Variants in LTBP1 observed in about 807,000 individuals in gnomAD.
The protein encoded by LTBP1 is latent-transforming growth factor beta-binding protein 1.
LTBP1 carries 129 observed loss-of-function variants against 207.6 expected under a neutral mutation model. The ratio of observed to expected loss-of-function variants is 0.62; its 90% CI spans 0.54 to 0.72. The LOEUF (loss-of-function observed/expected upper bound fraction) is 0.72. Among genes scored for constraint, LTBP1 ranks in the 30% least tolerant of loss-of-function variants. LTBP1 has a pLI of 0.00. For missense variants in LTBP1, 2,281 were observed against 2,217.2 expected (o/e 1.03, Z -0.58); for synonymous variants, 963 against 833.7 (o/e 1.16, Z -2.67).
rs142637929 is a variant in LTBP1, at chr2:33,146,622, C to T, written c.1201+11662C>T. 6.1e-4 allele frequency among the ~76,000 whole-genome samples: 93 copies of T among 152,294 alleles called. 1 individual carries two copies. In the East Asian group the frequency reaches 0.016, roughly 27 times the overall value. Reference sequence around the variant, plus strand: ...TTTCAAAGAAGAGGTTTAAGGAACTCACAGTTCCGCAAGCTGTACAGGAAG... The same window carrying T: ...TTTCAAAGAAGAGGTTTAAGGAACTTACAGTTCCGCAAGCTGTACAGGAAG... On this transcript the variant is annotated intron_variant, in intron 5 of 33. Transcript: ENST00000404816.
chr2:32,991,742 A>C (rs1684453365), intron 2 of LTBP1, among the ~76,000 whole-genome samples: 1 of 152,186 alleles, frequency 6.6e-6, no homozygotes, highest in Admixed American at 6.5e-5. Context: ...TCAGTCATCT[A>C]ATCTAGCTCC....
At chr2:33,353,807 G>A (rs2094815971) in intron 26 of LTBP1, among the ~76,000 whole-genome samples, 1 of 151,060 alleles carries the variant, frequency 6.6e-6, no homozygotes, top group Non-Finnish European at 1.5e-5. Flanking sequence ...AACTCAAATA[G>A]CATCCCTGTT....
At chr2:33,194,153 AT>A (rs1373004964) in intron 7 of LTBP1, among the ~76,000 whole-genome samples, 1 of 151,844 alleles carries the variant, frequency 6.6e-6, no homozygotes, top group Non-Finnish European at 1.5e-5. Context: ...CGCCCGGGTA[AT>A]TTTTGTATTT....
intron 5 of LTBP1, among the ~76,000 whole-genome samples, chr2:33,155,638 A>G (rs1277031404): frequency 1.3e-5 from 2 of 152,176 alleles, no homozygotes; most frequent in Admixed American, 6.5e-5. Context: ...TCTGGGGACA[A>G]AACCACCCCT....
Position 33,217,668 on chromosome 2 carries a change from C to T in LTBP1, c.1804+14C>T, listed in dbSNP as rs753900093. 1.3e-6 allele frequency: 2 copies of T among 1,579,286 alleles called. No homozygotes were observed. The highest frequency in any genetic ancestry group is 3.3e-5 in the Admixed American group (2 of 59,794). ...CCAAGAAACCATGTAAGTAATGTTT[C>T]CTCACTCCTTTGCAGGTTAATGTAG... On this transcript the variant is annotated intron_variant, in intron 8 of 33. Transcript: ENST00000404816.
At chr2:32,970,976 C>T (rs1037571388) in intron 2 of LTBP1, among the ~76,000 whole-genome samples, 6 of 149,544 alleles carry the variant, frequency 4.0e-5, no homozygotes, top group Non-Finnish European at 1.5e-5. Context: ...TCTTTTATCT[C>T]CCTGGTTAGC....
chr2:33,314,008 T>C (rs184166857), intron 23 of LTBP1, among the ~76,000 whole-genome samples: 14 of 152,320 alleles, frequency 9.2e-5, no homozygotes, highest in African/African-American at 1.2e-4. Context: ...CTTTTACTTA[T>C]AGTAAACAGT....
chr2:33,007,276 C>T (rs780935971), intron 2 of LTBP1, among the ~76,000 whole-genome samples: 12 of 152,194 alleles, frequency 7.9e-5, no homozygotes, highest in Non-Finnish European at 1.6e-4. Flanking sequence ...CCATCATGCC[C>T]GGCCTTGAAA....
intron 18 of LTBP1, among the ~76,000 whole-genome samples, chr2:33,279,450 T>C (rs2093512997): frequency 6.6e-6 from 1 of 152,120 alleles, no homozygotes; most frequent in African/African-American, 2.4e-5. Context: ...TACCATATGG[T>C]CATATCACCG....
chr2:33,072,773 A>G (rs939704822), intron 3 of LTBP1, among the ~76,000 whole-genome samples: 1 of 152,226 alleles, frequency 6.6e-6, no homozygotes, highest in Non-Finnish European at 1.5e-5. Context: ...GTACTCTCAG[A>G]AACATTGCTG....
At chr2:33,104,187 G>A (rs2079922746) in intron 3 of LTBP1, among the ~76,000 whole-genome samples, 1 of 152,172 alleles carries the variant, frequency 6.6e-6, no homozygotes, top group Non-Finnish European at 1.5e-5. Flanking sequence ...CACTAGGAAG[G>A]CAGCAGTGTA....
rs776131599 is a variant in LTBP1 at position 33,364,359 on chromosome 2, A to G, written c.4540+3A>G. 2.1e-5 allele frequency: 34 copies of G among 1,612,222 alleles called. No individual in the cohort carries two copies. Among genetic ancestry groups the G allele is most frequent in the Non-Finnish European group, 2.0e-5 (24 of 1,179,544 alleles). On this transcript the variant is annotated splice_donor_region_variant and intron_variant, in intron 30 of 33. Coordinates refer to ENST00000404816, the MANE Select transcript of LTBP1 (RefSeq NM_206943.4). ...TATACGACCGGCTGAGTCAAACGGTATGTTTCCAGGAGATGCAAACCTGTG... is the reference window on the plus strand; with the variant it reads ...TATACGACCGGCTGAGTCAAACGGTGTGTTTCCAGGAGATGCAAACCTGTG...
intron 31 of LTBP1, among the ~76,000 whole-genome samples, chr2:33,375,728 G>C (rs1479378842): frequency 4.9e-5 from 7 of 143,862 alleles, no homozygotes; most frequent in Non-Finnish European, 9.1e-5. Flanking sequence ...TTTTTTAGTA[G>C]AGACGGGGTT....
intron 24 of LTBP1, among the ~76,000 whole-genome samples, chr2:33,316,523 T>C (rs1028398214): frequency 9.2e-5 from 14 of 152,132 alleles, no homozygotes; most frequent in Non-Finnish European, 2.9e-5. Context: ...AGACAAAACA[T>C]GGATGCCAGA....
In LTBP1 at chr2:33,243,797, C is replaced by A; in HGVS notation, c.1999+13C>A. 1.2e-6 allele frequency: 2 copies of A among 1,613,512 alleles called. No homozygotes were observed. The highest frequency in any genetic ancestry group is 2.2e-5 in the South Asian group (2 of 90,934). On this transcript the variant is annotated intron_variant, in intron 10 of 33. Coordinates refer to ENST00000404816, the MANE Select transcript of LTBP1 (RefSeq NM_206943.4). ...TCAAGTTGTGTTCGTAAGTAATAAT[C>A]ACTTTTTATTCCTGTTTTGGATTAA...
chr2:32,999,881 G>T (rs1191141937), intron 2 of LTBP1, among the ~76,000 whole-genome samples: 1 of 133,848 alleles, frequency 7.5e-6, no homozygotes, highest in African/African-American at 2.6e-5. Context: ...AGAGATCGAG[G>T]GAGGCACAGA....
intron 2 of LTBP1, among the ~76,000 whole-genome samples, chr2:32,991,674 G>A (rs1244785149): frequency 6.6e-6 from 1 of 152,148 alleles, no homozygotes; most frequent in East Asian, 1.9e-4. Context: ...TCTTCAGTGG[G>A]CGTCCTCAAA....
intron 10 of LTBP1, among the ~76,000 whole-genome samples, chr2:33,248,811 T>TC (rs2092588951): frequency 6.6e-6 from 1 of 152,144 alleles, no homozygotes; most frequent in Non-Finnish European, 1.5e-5. Context: ...GGTCTCGAAC[T>TC]CCTAACCTCA....
chr2:33,360,597 A>G lies in LTBP1; in HGVS notation c.4001A>G (p.Asp1334Gly), dbSNP rs571582629. ...TGQCRSRTST[D>G]LDVDVDQPKE... The stretch of plus-strand genomic sequence containing the variant: ...ACTCTACTTTCTCTACTCCATTTAG[A>G]TTTAGATGTAGATGTAGATCAACCC... Residue 1334 changes from aspartate (D) to glycine (G), a missense_variant and splice_region_variant, in exon 27 of 34, where the codon GAT (aspartate) becomes GGT (glycine). Physicochemically the swap from Asp to Gly is moderately conservative, Grantham distance 94. This residue lies in a region of LTBP1 where 1,671 missense variants were observed against 1,634.8 expected (regional missense o/e 1.02). Transcript: ENST00000404816. The G allele has an allele frequency of 1.1e-5, 18 of 1,607,216 alleles. No homozygotes were observed. In the South Asian group the frequency reaches 1.9e-4, roughly 17 times the overall value.
Sources: gnomAD v4.1 joint callset for allele counts (sites outside exome capture counted in the v4.1 genomes callset) on GRCh38, gnomAD v4.1.1 for gene constraint, gnomAD v4.1.1 regional missense constraint, MANE v1.5 for transcripts, NCBI Gene and HGNC (gene_info 2026-07-23, HGNC 2026-07-21) for gene names.